The following TRPC4 variants were observed in gnomAD, a reference collection of about 807,000 sequenced individuals.
The protein encoded by TRPC4 is short transient receptor potential channel 4.
In TRPC4, 49 loss-of-function variants were observed where a neutral mutation model predicts 99.4. The observed-to-expected ratio is 0.49, with a 90% CI of 0.39 to 0.63. The LOEUF (loss-of-function observed/expected upper bound fraction) is 0.63. Among genes scored for constraint, TRPC4 ranks in the 20% least tolerant of loss-of-function variants. The probability of loss-of-function intolerance (pLI) is 0.00; values close to 1 mark genes in which losing one functional copy is unlikely to be tolerated. For missense variants in TRPC4, 898 were observed against 1,152.9 expected, an observed-to-expected ratio of 0.78 and a Z score of 3.20; for synonymous variants, 454 against 425.9, an observed-to-expected ratio of 1.07 and a Z score of -0.81.
At chr13:37,863,943 A>G (rs1959567442) in intron 1 of TRPC4, among the ~76,000 whole-genome samples, 1 of 151,752 alleles carries the variant, frequency 6.6e-6, no homozygotes, top group Non-Finnish European at 1.5e-5. Flanking sequence ...ACAATGTGTT[A>G]TGAACTATGA....
At chr13:37,742,087 A>G (rs372614220) in intron 3 of TRPC4, among the ~76,000 whole-genome samples, 2 of 152,166 alleles carry the variant, frequency 1.3e-5, no homozygotes, top group African/African-American at 4.8e-5. Flanking sequence ...GATCAGTACA[A>G]TTGCAGCATC....
intron 3 of TRPC4, among the ~76,000 whole-genome samples, chr13:37,695,276 G>T (rs376390302): frequency 6.6e-6 from 1 of 151,154 alleles, no homozygotes; most frequent in East Asian, 2.0e-4. Flanking sequence ...TAGATTACTT[G>T]GAGTAATGCT....
intron 3 of TRPC4, among the ~76,000 whole-genome samples, chr13:37,727,589 A>G (rs1373546847): frequency 6.6e-6 from 1 of 152,042 alleles, no homozygotes; most frequent in African/African-American, 2.4e-5. Context: ...TAGAGAATAG[A>G]AAACAGAGAC....
chr13:37,752,143 G>C (rs1479204468), intron 2 of TRPC4, among the ~76,000 whole-genome samples: 2 of 138,916 alleles, frequency 1.4e-5, no homozygotes, highest in Non-Finnish European at 3.1e-5. Flanking sequence ...TCTGCTATGA[G>C]CCCTAGAACA....
At chr13:37,750,005 T>C (rs1955888022) in intron 2 of TRPC4, among the ~76,000 whole-genome samples, 2 of 152,126 alleles carry the variant, frequency 1.3e-5, no homozygotes, top group African/African-American at 4.8e-5. Context: ...GTTATTACTT[T>C]TCTCAGATAT....
At chr13:37,673,966 T>G (rs181678771) in intron 5 of TRPC4, among the ~76,000 whole-genome samples, 2 of 152,252 alleles carry the variant, frequency 1.3e-5, no homozygotes, top group South Asian at 2.1e-4. Flanking sequence ...TTACTGTGAA[T>G]AGTTTTGAGA....
At chr13:37,738,470 A>G (rs1290392641) in intron 3 of TRPC4, among the ~76,000 whole-genome samples, 1 of 152,142 alleles carries the variant, frequency 6.6e-6, no homozygotes, top group Non-Finnish European at 1.5e-5. Context: ...CTAACCGATA[A>G]TTTTAAGTAG....
At chr13:37,732,393 G>A (rs73458332) in intron 3 of TRPC4, among the ~76,000 whole-genome samples, 3,332 of 152,126 alleles carry the variant, frequency 0.022, 50 homozygotes, top group African/African-American at 0.047. Flanking sequence ...CAGCATTCCT[G>A]TTAAGAACTA....
chr13:37,668,871 C>A (rs1161816306), intron 5 of TRPC4, among the ~76,000 whole-genome samples: 1 of 152,002 alleles, frequency 6.6e-6, no homozygotes, highest in East Asian at 1.9e-4. Context: ...TAGTGAAAGA[C>A]CAAAAAGACC....
intron 1 of TRPC4, among the ~76,000 whole-genome samples, chr13:37,810,530 T>C (rs893226061): frequency 2.0e-5 from 3 of 152,064 alleles, no homozygotes; most frequent in African/African-American, 7.2e-5. Flanking sequence ...AAAATTCTCA[T>C]GTGTGGCAGG....
intron 5 of TRPC4, among the ~76,000 whole-genome samples, chr13:37,671,785 C>T (rs1414766405): frequency 1.3e-5 from 2 of 152,130 alleles, no homozygotes; most frequent in Non-Finnish European, 2.9e-5. Context: ...AATGTGACTC[C>T]ACAGTGCATG....
At chr13:37,712,001 T>A (rs1055938587) in intron 3 of TRPC4, among the ~76,000 whole-genome samples, 1 of 152,080 alleles carries the variant, frequency 6.6e-6, no homozygotes, top group African/African-American at 2.4e-5. Context: ...AAATCTCGTG[T>A]GCATTTTACG....
chr13:37,637,470 G>A lies in TRPC4; in HGVS notation c.2367C>T (p.Asp789=), dbSNP rs1245562107. The A allele has an allele frequency of 1.9e-6, 3 of 1,613,550 alleles. No homozygotes were observed. Among genetic ancestry groups the A allele is most frequent in the Non-Finnish European group, 1.7e-6 (2 of 1,179,788 alleles). The change falls in exon 11 of 11, where the codon GAC becomes GAT. Residue 789 remains aspartate, a synonymous_variant. Transcript: ENST00000379705. ...CAAAAAGGCTGAAATTCTTTTTCTT[G>A]TCCTTGCTATTACCTTCGCTATCAC... ...EKSDSEGNSK[D]KKKNFSLFDL...
chr13:37,761,876 G>A (rs1956230932), intron 2 of TRPC4, among the ~76,000 whole-genome samples: 1 of 151,216 alleles, frequency 6.6e-6, no homozygotes, highest in Non-Finnish European at 1.5e-5. Context: ...AGATGTCAAG[G>A]TTTAGAATGC....
chr13:37,686,690 T>C (rs1333893373), intron 4 of TRPC4, among the ~76,000 whole-genome samples: 1 of 152,192 alleles, frequency 6.6e-6, no homozygotes, highest in African/African-American at 2.4e-5. Flanking sequence ...AGTTGCATAA[T>C]CTGGCTATTA....
At chr13:37,761,977 A>C (rs1195942850) in intron 2 of TRPC4, among the ~76,000 whole-genome samples, 1 of 151,898 alleles carries the variant, frequency 6.6e-6, no homozygotes, top group African/African-American at 2.4e-5. Flanking sequence ...ATCAGGAATA[A>C]CAATTAAATA....
At chr13:37,797,073 G>A (rs146884806) in intron 1 of TRPC4, among the ~76,000 whole-genome samples, 4 of 151,520 alleles carry the variant, frequency 2.6e-5, no homozygotes, top group Non-Finnish European at 4.4e-5. Context: ...CCAGCACTTC[G>A]AGAGACTGAC....
intron 3 of TRPC4, among the ~76,000 whole-genome samples, chr13:37,702,008 G>A (rs1045021936): frequency 7.1e-4 from 108 of 152,062 alleles, no homozygotes; most frequent in African/African-American, 2.2e-3. Context: ...TGTTGGCAGC[G>A]CCATGCTTTC....
At chr13:37,844,889 A>G (rs183623530) in intron 1 of TRPC4, among the ~76,000 whole-genome samples, 4 of 152,168 alleles carry the variant, frequency 2.6e-5, no homozygotes, top group African/African-American at 9.6e-5. Context: ...TAGGTACTTC[A>G]CCAGCCTTGG....
Sources: allele counts gnomAD v4.1 joint callset (sites outside exome capture counted in the v4.1 genomes callset), GRCh38; gene constraint gnomAD v4.1.1; transcripts MANE v1.5; gene names NCBI Gene and HGNC (gene_info 2026-07-23, HGNC 2026-07-21).